Variants in EXOC6B observed in about 807,000 individuals in gnomAD.
EXOC6B encodes the protein SEC15 homolog B.
Under a neutral mutation model 113.5 loss-of-function variants are expected in EXOC6B, and 54 were observed. The ratio of observed to expected loss-of-function variants is 0.48; its 90% CI spans 0.38 to 0.60. The LOEUF (loss-of-function observed/expected upper bound fraction) is 0.60. EXOC6B is among the 20% of genes least tolerant of loss of function. EXOC6B has a pLI of 0.00. For synonymous variants in EXOC6B, 357 were observed against 339.0 expected, an observed-to-expected ratio of 1.05 and a Z score of -0.58; for missense variants, 797 against 977.5, an observed-to-expected ratio of 0.82 and a Z score of 2.46.
intron 1 of EXOC6B, among the ~76,000 whole-genome samples, chr2:72,767,819 A>AAAAAAAAAAAAAAAAAC (rs1683169589): frequency 7.4e-6 from 1 of 135,850 alleles, no homozygotes; most frequent in African/African-American, 2.7e-5. Flanking sequence ...AAAAAAAAAA[A>AAAAAAAAAAAAAAAAAC]AAAAAAAAAA....
chr2:72,310,127 GT>G (rs1687099387), intron 20 of EXOC6B, among the ~76,000 whole-genome samples: 1 of 152,072 alleles, frequency 6.6e-6, no homozygotes, highest in Non-Finnish European at 1.5e-5. Context: ...TTGAACACTT[GT>G]TTTCAATAAT....
chr2:72,497,252 C>T (rs1423662822), intron 13 of EXOC6B, among the ~76,000 whole-genome samples: 1 of 152,182 alleles, frequency 6.6e-6, no homozygotes, highest in South Asian at 2.1e-4. Flanking sequence ...GGATTACAGG[C>T]ATGACCCACT....
At chr2:72,679,040 T>C (rs186878501) in intron 6 of EXOC6B, among the ~76,000 whole-genome samples, 1 of 152,216 alleles carries the variant, frequency 6.6e-6, no homozygotes, top group Admixed American at 6.5e-5. Context: ...TCCCCAGAAA[T>C]ACATGCAGAT....
chr2:72,595,138 G>A (rs1434227039), intron 6 of EXOC6B, among the ~76,000 whole-genome samples: 1 of 151,870 alleles, frequency 6.6e-6, no homozygotes, highest in African/African-American at 2.4e-5. Context: ...GCAAATGCTT[G>A]TAATCCCAGC....
At chr2:72,764,117 C>T (rs763931570) in intron 1 of EXOC6B, among the ~76,000 whole-genome samples, 71 of 151,824 alleles carry the variant, frequency 4.7e-4, no homozygotes, top group Non-Finnish European at 7.8e-4. Context: ...GATAATATTG[C>T]CATTTTCCCT....
At position 72,397,625 on chromosome 2, in the gene EXOC6B, A is replaced by AAAAAT. The variant is rs1553396399; in HGVS notation, c.1981-17760_1981-17756dup. On this transcript the variant is annotated intron_variant, in intron 18 of 21. Coordinates refer to ENST00000272427, the MANE Select transcript of EXOC6B (RefSeq NM_015189.3). ...CAGGTGAAACCTCATCTCAAAAAAA[A>AAAAAT]AAAATAAAATAAAATAAAATAAAAT... Among the ~76,000 whole-genome samples, 792 of 104,162 alleles carry AAAAAT rather than the reference A, an allele frequency of 7.6e-3. 7 individuals are homozygous for AAAAAT. The highest frequency in any genetic ancestry group is 0.013 in the Middle Eastern group (3 of 232). 68.3% of individuals were successfully genotyped at this position (104,162 alleles called of 152,430 possible).
At chr2:72,317,921 T>C (rs1230796073) in intron 20 of EXOC6B, among the ~76,000 whole-genome samples, 1 of 152,162 alleles carries the variant, frequency 6.6e-6, no homozygotes, top group East Asian at 1.9e-4. Flanking sequence ...CTGGAAAGAA[T>C]CTAGGAGACC....
intron 20 of EXOC6B, among the ~76,000 whole-genome samples, chr2:72,194,890 C>T (rs1213976126): frequency 6.6e-6 from 1 of 152,142 alleles, no homozygotes; most frequent in Non-Finnish European, 1.5e-5. Context: ...TACGTCTGAA[C>T]TCCTCTTCTT....
At chr2:72,614,163 A>T (rs1479293764) in intron 6 of EXOC6B, among the ~76,000 whole-genome samples, 1 of 152,152 alleles carries the variant, frequency 6.6e-6, no homozygotes, top group Non-Finnish European at 1.5e-5. Context: ...ACACAAAGGG[A>T]ATAGGAATTA....
At chr2:72,748,730 C>A (rs1208056871) in intron 1 of EXOC6B, among the ~76,000 whole-genome samples, 1 of 151,962 alleles carries the variant, frequency 6.6e-6, no homozygotes, top group African/African-American at 2.4e-5. Flanking sequence ...AGGAAGGGAA[C>A]CCCAATGATG....
At chr2:72,703,886 C>T (rs1359418260) in intron 6 of EXOC6B, among the ~76,000 whole-genome samples, 36 of 149,936 alleles carry the variant, frequency 2.4e-4, no homozygotes, top group East Asian at 7.8e-4. Context: ...CAATTTGACT[C>T]CCTCTTTTCC....
intron 1 of EXOC6B, among the ~76,000 whole-genome samples, chr2:72,821,312 G>A (rs973671077): frequency 6.6e-6 from 1 of 152,052 alleles, no homozygotes; most frequent in Non-Finnish European, 1.5e-5. Flanking sequence ...AAGTAAAAAA[G>A]ATGATAACAA....
intron 19 of EXOC6B, among the ~76,000 whole-genome samples, chr2:72,375,792 A>T (rs1691321817): frequency 6.6e-6 from 1 of 152,198 alleles, no homozygotes; most frequent in South Asian, 2.1e-4. Context: ...TAAGCAGAAG[A>T]AAAAAACAGT....
chr2:72,520,709 T>C (rs951381763), intron 8 of EXOC6B, among the ~76,000 whole-genome samples: 10 of 152,208 alleles, frequency 6.6e-5, no homozygotes, highest in African/African-American at 9.6e-5. Context: ...ATCTACAAAC[T>C]GATTTCAGCA....
At chr2:72,532,980 A>G (rs990676688) in intron 8 of EXOC6B, among the ~76,000 whole-genome samples, 2 of 152,154 alleles carry the variant, frequency 1.3e-5, no homozygotes, top group Non-Finnish European at 2.9e-5. Context: ...ATTTACCTAT[A>G]ATAACTTTCC....
At chr2:72,586,370 A>C (rs1705571132) in intron 6 of EXOC6B, among the ~76,000 whole-genome samples, 1 of 152,216 alleles carries the variant, frequency 6.6e-6, no homozygotes, top group Non-Finnish European at 1.5e-5. Flanking sequence ...AGAATCTATA[A>C]GGAACTTGAA....
At chr2:72,260,891 C>T (rs1397455469) in intron 20 of EXOC6B, among the ~76,000 whole-genome samples, 1 of 152,122 alleles carries the variant, frequency 6.6e-6, no homozygotes, top group Non-Finnish European at 1.5e-5. Context: ...ATGAAAGTTA[C>T]TAAATTTACC....
chr2:72,354,845 C>G (rs1041235622), intron 19 of EXOC6B, among the ~76,000 whole-genome samples: 2 of 152,208 alleles, frequency 1.3e-5, no homozygotes, highest in African/African-American at 4.8e-5. Flanking sequence ...CAGATAAGAG[C>G]AAACAAAGCA....
intron 17 of EXOC6B, among the ~76,000 whole-genome samples, chr2:72,466,963 G>T (rs957020150): frequency 2.0e-5 from 3 of 152,066 alleles, no homozygotes; most frequent in African/African-American, 7.2e-5. Context: ...CTATCTAACT[G>T]AAAATTTCTA....
Sources: allele counts gnomAD v4.1 joint callset (sites outside exome capture counted in the v4.1 genomes callset), GRCh38; gene constraint gnomAD v4.1.1; transcripts MANE v1.5; gene names NCBI Gene and HGNC (gene_info 2026-07-23, HGNC 2026-07-21).